The following HHIP variants were observed in gnomAD, a reference collection of about 807,000 sequenced individuals.
HHIP encodes the protein hedgehog-interacting protein.
In HHIP, 12 loss-of-function variants were observed where a neutral mutation model predicts 74.0. That is an observed-to-expected ratio of 0.16 (90% CI 0.10 to 0.26). The LOEUF is 0.26. HHIP is among the 10% of genes least tolerant of loss of function. HHIP has a pLI of 1.00. For synonymous variants in HHIP, 309 were observed against 311.6 expected, an observed-to-expected ratio of 0.99 and a Z score of 0.09; for missense variants, 788 against 845.0, an observed-to-expected ratio of 0.93 and a Z score of 0.84.
chr4:144,696,438 G>A (rs1354886093), intron 4 of HHIP, among the ~76,000 whole-genome samples: 1 of 151,924 alleles, frequency 6.6e-6, no homozygotes, highest in African/African-American at 2.4e-5. Context: ...TAAAGTAACT[G>A]AGGGATGAGC....
intron 10 of HHIP, among the ~76,000 whole-genome samples, chr4:144,717,312 A>C (rs1429481518): frequency 1.3e-5 from 2 of 152,200 alleles, no homozygotes; most frequent in Non-Finnish European, 2.9e-5. Flanking sequence ...TGAGGATTAA[A>C]TGAAGTAAAC....
chr4:144,720,203 C>T (rs946487633), intron 11 of HHIP, among the ~76,000 whole-genome samples: 1 of 151,864 alleles, frequency 6.6e-6, no homozygotes. Context: ...ATAAGAAAAG[C>T]AAAGATAAAT....
At chr4:144,712,099 G>T (rs1265231793) in intron 8 of HHIP, 28 bp downstream of exon 8, 1 of 1,596,904 alleles carries the variant, frequency 6.3e-7, no homozygotes, top group African/African-American at 1.3e-5. Context: ...TGCTGATTTT[G>T]CTTTAGTTCA....
chr4:144,691,220 C>T (rs1470790142), intron 4 of HHIP, among the ~76,000 whole-genome samples: 2 of 151,982 alleles, frequency 1.3e-5, no homozygotes, highest in Non-Finnish European at 2.9e-5. Flanking sequence ...AAATATAGAC[C>T]ACCAGATATC....
intron 1 of HHIP, chr4:144,648,887 G>A (rs1457188721): frequency 6.6e-6 from 1 of 152,102 alleles, no homozygotes; most frequent in Non-Finnish European, 1.5e-5. Context: ...ATTCCTTTCT[G>A]TTTTATGTGC....
At chr4:144,705,577 T>G (rs561831698) in intron 4 of HHIP, among the ~76,000 whole-genome samples, 7 of 152,324 alleles carry the variant, frequency 4.6e-5, no homozygotes, top group African/African-American at 1.7e-4. Flanking sequence ...CTAGATAATT[T>G]TAGATACTTT....
chr4:144,671,435 T>A (rs530364314), intron 4 of HHIP, among the ~76,000 whole-genome samples: 1 of 151,956 alleles, frequency 6.6e-6, no homozygotes, highest in African/African-American at 2.4e-5. Flanking sequence ...CATGACTAGG[T>A]GAGCTTCTTC....
intron 5 of HHIP, 32 bp from the exon 6 acceptor site, chr4:144,707,055 A>G (rs1730167983): frequency 6.3e-7 from 1 of 1,588,376 alleles, no homozygotes; most frequent in Admixed American, 1.7e-5. Context: ...ATCTTTTAAC[A>G]GTCATGGTAT....
intron 4 of HHIP, among the ~76,000 whole-genome samples, chr4:144,692,212 CA>C (rs1316355728): frequency 1.3e-5 from 2 of 152,024 alleles, no homozygotes; most frequent in South Asian, 2.1e-4. Context: ...AGCTGAAGCT[CA>C]GGGGTGTTAA....
intron 4 of HHIP, among the ~76,000 whole-genome samples, chr4:144,680,058 A>C (rs1307012343): frequency 6.6e-6 from 1 of 152,232 alleles, no homozygotes; most frequent in Non-Finnish European, 1.5e-5. Flanking sequence ...TGTTCGTGAA[A>C]TTAATGCTAA....
At chr4:144,673,134 G>A (rs1435141793) in intron 4 of HHIP, among the ~76,000 whole-genome samples, 1 of 152,138 alleles carries the variant, frequency 6.6e-6, no homozygotes, top group Non-Finnish European at 1.5e-5. Flanking sequence ...TTGTGCCTGT[G>A]AGCCAGTCAT....
At chr4:144,737,244 G>A (rs576440369) in intron 12 of HHIP, among the ~76,000 whole-genome samples, 2 of 152,312 alleles carry the variant, frequency 1.3e-5, no homozygotes, top group African/African-American at 4.8e-5. Flanking sequence ...CCCCCTGGAA[G>A]CAAGAGGAAG....
At chr4:144,666,326 G>A (rs775784342) in intron 4 of HHIP, among the ~76,000 whole-genome samples, 1 of 148,606 alleles carries the variant, frequency 6.7e-6, no homozygotes. Context: ...TATTCTCTTA[G>A]CAAATTTCAA....
chr4:144,681,731 G>A (rs1729351019), intron 4 of HHIP, among the ~76,000 whole-genome samples: 1 of 152,160 alleles, frequency 6.6e-6, no homozygotes, highest in Non-Finnish European at 1.5e-5. Context: ...CCCCCAGATT[G>A]CAGACTTCTT....
At chr4:144,687,753 T>TC (rs1729530038) in intron 4 of HHIP, among the ~76,000 whole-genome samples, 2 of 28,720 alleles carry the variant, frequency 7.0e-5, no homozygotes, top group Non-Finnish European at 1.9e-4. Flanking sequence ...TTTGGCAACT[T>TC]TTTTTTTTTT....
chr4:144,686,431 T>C (rs899740205), intron 4 of HHIP, among the ~76,000 whole-genome samples: 2 of 152,162 alleles, frequency 1.3e-5, no homozygotes, highest in Non-Finnish European at 2.9e-5. Flanking sequence ...AGTAGTTAGT[T>C]ATCGATGATC....
chr4:144,681,018 G>T (rs189643890), intron 4 of HHIP, among the ~76,000 whole-genome samples: 1 of 151,910 alleles, frequency 6.6e-6, no homozygotes, highest in South Asian at 2.1e-4. Context: ...AAAGATACAC[G>T]GTGAAAATGA....
rs1730195632 is a variant in HHIP, at chr4:144,708,095, C to T, written c.1158-73C>T. ...GATGATTTTTTCATCAATAGAGCAA[C>T]CTCACCATATTTAATATAGGTGAAA... On this transcript the variant is annotated intron_variant, in intron 6 of 12. Coordinates refer to ENST00000296575, the MANE Select transcript of HHIP (RefSeq NM_022475.3). 1.4e-5 allele frequency: 20 copies of T among 1,474,846 alleles called. No individual in the cohort carries two copies. The South Asian group carries it at 2.3e-4, about 17-fold the overall frequency. 91.4% of individuals were successfully genotyped at this position (1,474,846 alleles called of 1,614,324 possible).
intron 4 of HHIP, among the ~76,000 whole-genome samples, chr4:144,693,022 T>G: frequency 6.6e-6 from 1 of 152,128 alleles, no homozygotes; most frequent in East Asian, 1.9e-4. Flanking sequence ...TGCCCCTTAA[T>G]GACTGAGTGA....
Sources: gnomAD v4.1 joint callset for allele counts (sites outside exome capture counted in the v4.1 genomes callset) on GRCh38, gnomAD v4.1.1 for gene constraint, MANE v1.5 for transcripts, NCBI Gene and HGNC (gene_info 2026-07-23, HGNC 2026-07-21) for gene names.